The following NACC2 variants were observed in gnomAD, a reference collection of about 807,000 sequenced individuals.
NACC2 encodes NACC family member 2.
In NACC2, 8 loss-of-function variants were observed where a neutral mutation model predicts 25.1. The ratio of observed to expected loss-of-function variants is 0.32; its 90% confidence interval spans 0.19 to 0.57. The LOEUF is 0.57. Ranked by LOEUF, NACC2 falls within the 20% of genes least tolerant of loss-of-function variation. NACC2 has a pLI of 0.89. For missense variants in NACC2, 644 were observed against 650.2 expected, an observed-to-expected ratio of 0.99 and a Z score of 0.10; for synonymous variants, 435 against 294.7, an observed-to-expected ratio of 1.48 and a Z score of -4.88.
intron 2 of NACC2, among the ~76,000 whole-genome samples, chr9:136,041,014 G>GGAAAGGAA (rs1304176380): frequency 2.5e-5 from 2 of 80,872 alleles, no homozygotes; most frequent in African/African-American, 9.2e-5. Flanking sequence ...AAGGAAGGAA[G>GGAAAGGAA]GAAAGGAAAG....
Position 136,050,035 on chromosome 9 carries a change from G to T in NACC2, c.487C>A (p.Pro163Thr). The change falls in exon 2 of 6, where the codon CCC (proline) becomes ACC (threonine). Residue 163 changes from proline to threonine, a missense_variant. Physicochemically the swap from Pro to Thr is conservative, Grantham distance 38. Coordinates refer to ENST00000277554, the MANE Select transcript of NACC2 (RefSeq NM_144653.5). ...GTCAGCAGCGGGATGGGCACCGAGG[G>T]GGACACGACGTAGGGGGCCGCGGCG... ...AAAAAPYVVSPSVPIPLLTRV... is the reference protein window; with the variant it reads ...AAAAAPYVVSTSVPIPLLTRV... 1 of 708,454 alleles carries T rather than the reference G, an allele frequency of 1.4e-6. No homozygotes were observed. Among genetic ancestry groups the T allele is most frequent in the Admixed American group, 1.9e-5 (1 of 52,568 alleles). The allele number at this position is 708,454 out of a possible 1,614,324, so 43.9% of individuals were successfully genotyped here.
At chr9:136,039,100 C>T (rs966447489) in intron 2 of NACC2, among the ~76,000 whole-genome samples, 1 of 152,122 alleles carries the variant, frequency 6.6e-6, no homozygotes, top group Non-Finnish European at 1.5e-5. Flanking sequence ...CTTTAAGACA[C>T]AGGTAAGTTA....
At chr9:136,047,717 G>T (rs1317839074) in intron 2 of NACC2, among the ~76,000 whole-genome samples, 1 of 152,128 alleles carries the variant, frequency 6.6e-6, no homozygotes, top group Non-Finnish European at 1.5e-5. Flanking sequence ...ACACACATCC[G>T]GGACTCCACA....
At chr9:136,080,829 C>G (rs1830315459) in intron 1 of NACC2, among the ~76,000 whole-genome samples, 1 of 152,180 alleles carries the variant, frequency 6.6e-6, no homozygotes, top group African/African-American at 2.4e-5. Flanking sequence ...TGACCACAGG[C>G]CGGCCTGTGC....
rs200120710 is a variant in NACC2, at chr9:136,073,245, T to C, written c.-60+21944A>G. ...GAGTCCAAAACCAGCCTAGGCAACA[T>C]AGGGAGACTCTGTCTGTACAAAAAA... On this transcript the variant is annotated intron_variant, in intron 1 of 5. Transcript: ENST00000277554. 1.2e-4 allele frequency among the ~76,000 whole-genome samples: 18 copies of C among 151,690 alleles called. No homozygotes were observed. The East Asian group carries it at 2.3e-3, about 20-fold the overall frequency.
At chr9:136,044,385 CAT>C (rs1193296415) in intron 2 of NACC2, among the ~76,000 whole-genome samples, 2 of 152,204 alleles carry the variant, frequency 1.3e-5, no homozygotes, top group African/African-American at 2.4e-5. Context: ...CATAGCGGCA[CAT>C]GACTGTGGTC....
chr9:136,062,501 G>C (rs1210623978), intron 1 of NACC2, among the ~76,000 whole-genome samples: 1 of 152,148 alleles, frequency 6.6e-6, no homozygotes, highest in Non-Finnish European at 1.5e-5. Context: ...TCAGTGCCTA[G>C]GCCCAGAGGC....
At chr9:136,031,819 G>A (rs572685866) in intron 2 of NACC2, among the ~76,000 whole-genome samples, 1 of 152,316 alleles carries the variant, frequency 6.6e-6, no homozygotes, top group South Asian at 2.1e-4. Flanking sequence ...GCCACTCATG[G>A]AACCGATTTA....
chr9:136,023,496 C>T (rs1018859857), intron 2 of NACC2, among the ~76,000 whole-genome samples: 8 of 152,170 alleles, frequency 5.3e-5, no homozygotes, highest in African/African-American at 1.7e-4. Flanking sequence ...GAGGCTTCCT[C>T]CAGGCCTGGC....
chr9:136,065,169 CAA>C (rs1841065329), intron 1 of NACC2, among the ~76,000 whole-genome samples: 1 of 152,134 alleles, frequency 6.6e-6, no homozygotes, highest in African/African-American at 2.4e-5. Context: ...GATATGACAC[CAA>C]AGAGCAAAGC....
intron 1 of NACC2, among the ~76,000 whole-genome samples, chr9:136,054,902 T>C (rs1248966638): frequency 2.0e-5 from 3 of 152,128 alleles, no homozygotes. Context: ...AGAACCCACT[T>C]TGGAGAACCT....
chr9:136,091,889 C>T (rs1484046353), intron 1 of NACC2, among the ~76,000 whole-genome samples: 1 of 152,188 alleles, frequency 6.6e-6, no homozygotes, highest in Non-Finnish European at 1.5e-5. Context: ...AGGATCCCTG[C>T]CCCGCAACAG....
At chr9:136,040,262 G>A (rs1246742647) in intron 2 of NACC2, among the ~76,000 whole-genome samples, 3 of 151,522 alleles carry the variant, frequency 2.0e-5, no homozygotes, top group South Asian at 2.1e-4. Flanking sequence ...GGAGAATGGC[G>A]TGAACCCAGG....
chr9:136,075,805 C>A (rs544468135), intron 1 of NACC2, among the ~76,000 whole-genome samples: 1 of 152,204 alleles, frequency 6.6e-6, no homozygotes, highest in Non-Finnish European at 1.5e-5. Context: ...GGTTTGGGCT[C>A]TGAGGCTCGG....
intron 1 of NACC2, among the ~76,000 whole-genome samples, chr9:136,072,005 A>G (rs1237770551): frequency 2.6e-5 from 4 of 151,626 alleles, no homozygotes; most frequent in African/African-American, 9.7e-5. Flanking sequence ...CGGGAGGCCC[A>G]GGTGGGTGGA....
Position 136,013,156 on chromosome 9 carries a change from C to T in NACC2, c.1255+43G>A, listed in dbSNP as rs935806166. ...GTCCTCCTCAGGCTGGGATCTGAAC[C>T]CAGCCCCGGCCCCACCCACCCGAGA... On this transcript the variant is annotated intron_variant, in intron 5 of 5. Transcript: ENST00000277554. This position sits in a 1 kb window ranked among gnomAD's most constrained non-coding sequence, Gnocchi z 6.6. The T allele has an allele frequency of 4.1e-6, 4 of 986,448 alleles. No homozygotes were observed. Among genetic ancestry groups the T allele is most frequent in the Non-Finnish European group, 4.8e-6 (3 of 622,840 alleles). 61.1% of individuals were successfully genotyped at this position (986,448 alleles called of 1,614,324 possible).
intron 2 of NACC2, among the ~76,000 whole-genome samples, chr9:136,025,484 G>A (rs1409535246): frequency 6.6e-6 from 1 of 151,974 alleles, no homozygotes; most frequent in Non-Finnish European, 1.5e-5. Flanking sequence ...ATTTACAGAA[G>A]GACATCAGAT....
rs1248825307 is a variant in NACC2, at chr9:136,020,881, A to G, written c.887-4452T>C. ...AGCCTTCACAAATGGGGCTTGAGCAACTGGCCATCCGCACCCACACGTGGC... is the reference window on the plus strand; with the variant it reads ...AGCCTTCACAAATGGGGCTTGAGCAGCTGGCCATCCGCACCCACACGTGGC... On this transcript the variant is annotated intron_variant, in intron 2 of 5. Transcript: ENST00000277554. The surrounding 1 kb of genome is among the most constrained non-coding windows in gnomAD (Gnocchi z 4.7). 3.3e-5 allele frequency among the ~76,000 whole-genome samples: 5 copies of G among 152,154 alleles called. No individual in the cohort carries two copies. The highest frequency in any genetic ancestry group is 7.2e-5 in the African/African-American group (3 of 41,440).
chr9:136,024,184 GGAGT>G (rs1316887149), intron 2 of NACC2, among the ~76,000 whole-genome samples: 1 of 102,634 alleles, frequency 9.7e-6, no homozygotes, highest in Non-Finnish European at 1.9e-5. Context: ...GTGTGAGGAC[GGAGT>G]GTGTGTGTGT....
Sources: gnomAD v4.1 joint callset for allele counts (sites outside exome capture counted in the v4.1 genomes callset) on GRCh38, gnomAD v4.1.1 for gene constraint, Gnocchi (gnomAD v3.1) non-coding constraint, MANE v1.5 for transcripts, NCBI Gene and HGNC (gene_info 2026-07-23, HGNC 2026-07-21) for gene names.